Variants in ARSB observed in about 807,000 individuals in gnomAD.
ARSB encodes the protein N-acetylgalactosamine-4-sulfatase.
Under a neutral mutation model 50.9 loss-of-function variants are expected in ARSB, and 41 were observed. That is an observed-to-expected ratio of 0.81 (90% CI 0.63 to 1.04). ARSB has a LOEUF of 1.04. Among genes scored for constraint, ARSB ranks in the 50% least tolerant of loss-of-function variants. The pLI, the probability that ARSB is intolerant of heterozygous loss-of-function variation, is 0.00. For synonymous variants in ARSB, 269 were observed against 284.8 expected (o/e 0.94, Z 0.56); for missense variants, 672 against 693.3 (o/e 0.97, Z 0.35).
intron 6 of ARSB, among the ~76,000 whole-genome samples, chr5:78,804,805 C>T (rs944146525): frequency 2.6e-5 from 4 of 152,154 alleles, no homozygotes; most frequent in Non-Finnish European, 4.4e-5. Flanking sequence ...TACCTGTGCA[C>T]GCTGAGGGAA....
intron 4 of ARSB, among the ~76,000 whole-genome samples, chr5:78,953,299 A>G (rs1375358515): frequency 6.6e-6 from 1 of 152,266 alleles, no homozygotes; most frequent in Non-Finnish European, 1.5e-5. Context: ...CACTGAGATC[A>G]TCATCTGGGA....
chr5:78,952,198 CTAT>C (rs1238413470), intron 4 of ARSB, among the ~76,000 whole-genome samples: 2 of 75,386 alleles, frequency 2.7e-5, no homozygotes, highest in Non-Finnish European at 3.7e-5. Context: ...AAATAGTCAA[CTAT>C]CTGTTTGAAA....
chr5:78,982,363 T>C (rs985189075), intron 1 of ARSB, among the ~76,000 whole-genome samples: 1 of 152,262 alleles, frequency 6.6e-6, no homozygotes, highest in Admixed American at 6.5e-5. Flanking sequence ...TATAGGCAAT[T>C]CCTAACTCAG....
intron 6 of ARSB, among the ~76,000 whole-genome samples, chr5:78,826,391 C>G (rs762192698): frequency 2.0e-5 from 3 of 152,172 alleles, no homozygotes; most frequent in African/African-American, 7.2e-5. Flanking sequence ...TCAACAACTA[C>G]TTATTGTGCT....
intron 4 of ARSB, among the ~76,000 whole-genome samples, chr5:78,937,739 G>C (rs1750703319): frequency 6.6e-6 from 1 of 151,724 alleles, no homozygotes; most frequent in South Asian, 2.1e-4. Flanking sequence ...TGCGGGGTGG[G>C]GGTGGTTTTA....
At chr5:78,964,390 T>C in intron 3 of ARSB, 26 bp downstream of exon 3, 1 of 1,606,388 alleles carries the variant, frequency 6.2e-7, no homozygotes, top group Non-Finnish European at 8.5e-7. Context: ...AAGATTTTGC[T>C]ATCAGTAAAT....
At chr5:78,916,569 A>T (rs1211707778) in intron 4 of ARSB, among the ~76,000 whole-genome samples, 2 of 152,234 alleles carry the variant, frequency 1.3e-5, no homozygotes, top group Non-Finnish European at 2.9e-5. Flanking sequence ...TAAAAACAGA[A>T]AGATAAGAAG....
chr5:78,914,262 G>A (rs13340404), intron 4 of ARSB, among the ~76,000 whole-genome samples: 5,484 of 151,996 alleles, frequency 0.036, 323 homozygotes, highest in African/African-American at 0.12. Context: ...ACTGTGCCCA[G>A]CAGCCACATA....
At chr5:78,856,421 C>T (rs373317503) in intron 5 of ARSB, among the ~76,000 whole-genome samples, 36 of 152,314 alleles carry the variant, frequency 2.4e-4, no homozygotes, top group African/African-American at 8.7e-4. Flanking sequence ...CTTAAGAAAT[C>T]TGTTGATAAC....
intron 6 of ARSB, among the ~76,000 whole-genome samples, chr5:78,793,549 G>A (rs1201448338): frequency 6.6e-6 from 1 of 152,228 alleles, no homozygotes; most frequent in Non-Finnish European, 1.5e-5. Flanking sequence ...CTTCCCAACT[G>A]CTCGGGAATC....
At chr5:78,854,591 T>C (rs983479250) in intron 5 of ARSB, among the ~76,000 whole-genome samples, 3 of 152,222 alleles carry the variant, frequency 2.0e-5, no homozygotes, top group Non-Finnish European at 4.4e-5. Flanking sequence ...ATATTTGAGA[T>C]CATTGCAGTT....
At chr5:78,950,294 C>A (rs1273436261) in intron 4 of ARSB, among the ~76,000 whole-genome samples, 1 of 152,156 alleles carries the variant, frequency 6.6e-6, no homozygotes, top group Non-Finnish European at 1.5e-5. Context: ...ATCTTGGAAA[C>A]ATGTCCAGAA....
At chr5:78,823,484 G>T (rs565456850) in intron 6 of ARSB, among the ~76,000 whole-genome samples, 1 of 152,300 alleles carries the variant, frequency 6.6e-6, no homozygotes, top group South Asian at 2.1e-4. Flanking sequence ...ACTTCCGCAA[G>T]ATCAGAGGAA....
intron 4 of ARSB, among the ~76,000 whole-genome samples, chr5:78,935,763 T>A (rs1227728286): frequency 6.6e-6 from 1 of 152,160 alleles, no homozygotes; most frequent in Admixed American, 6.5e-5. Context: ...ATAATTTTTA[T>A]CCACACTTTG....
chr5:78,965,971 A>C (rs1752189034), intron 2 of ARSB, among the ~76,000 whole-genome samples: 1 of 152,352 alleles, frequency 6.6e-6, no homozygotes, highest in East Asian at 1.9e-4. Flanking sequence ...TGTAACAGAG[A>C]AAGAAATGTA....
intron 5 of ARSB, among the ~76,000 whole-genome samples, chr5:78,876,727 T>A (rs1400542416): frequency 6.6e-6 from 1 of 152,090 alleles, no homozygotes; most frequent in African/African-American, 2.4e-5. Flanking sequence ...AGGATCCCCT[T>A]AGAGCAGAGG....
At chr5:78,939,058 T>A (rs1750767918) in intron 4 of ARSB, among the ~76,000 whole-genome samples, 1 of 152,198 alleles carries the variant, frequency 6.6e-6, no homozygotes, top group Non-Finnish European at 1.5e-5. Context: ...GTACTATGAA[T>A]CTATGCACTC....
chr5:78,985,650 G>A (rs1335785881), upstream of ARSB: 1 of 155,760 alleles, frequency 6.4e-6, no homozygotes. Context: ...CAACAACTCT[G>A]ACAGTTAGAC....
At chr5:78,851,642 T>A (rs1009043862) in intron 5 of ARSB, among the ~76,000 whole-genome samples, 3 of 152,114 alleles carry the variant, frequency 2.0e-5, no homozygotes, top group Non-Finnish European at 2.9e-5. Context: ...ATTGATCTGT[T>A]TAATGTTGAT....
Sources: allele counts gnomAD v4.1 joint callset (sites outside exome capture counted in the v4.1 genomes callset), GRCh38; gene constraint gnomAD v4.1.1; transcripts MANE v1.5; gene names NCBI Gene and HGNC (gene_info 2026-07-23, HGNC 2026-07-21).